TMEM47: variants seen among roughly 807,000 people sequenced by gnomAD.
TMEM47 encodes brain cell membrane protein 1.
Under a neutral mutation model 12.4 loss-of-function variants are expected in TMEM47, and 3 were observed. That is an observed-to-expected ratio of 0.24 (90% CI 0.11 to 0.63). TMEM47 has a LOEUF of 0.63. Among genes scored for constraint, TMEM47 ranks in the 20% least tolerant of loss-of-function variants. The probability of loss-of-function intolerance (pLI) is 0.86; values close to 1 mark genes in which losing one functional copy is unlikely to be tolerated. For missense variants in TMEM47, 89 were observed against 143.8 expected (o/e 0.62, Z 1.95); for synonymous variants, 62 against 63.3 (o/e 0.98, Z 0.10).
chrX:34,647,474 G>A (rs1195352985), intron 1 of TMEM47, among the ~76,000 whole-genome samples: 1 of 111,448 alleles, frequency 9.0e-6, no homozygotes, highest in African/African-American at 3.3e-5. Flanking sequence ...AGACAAAGGT[G>A]TTATAGATAT....
At chrX:34,636,561 G>A (rs1713844034) in intron 2 of TMEM47, among the ~76,000 whole-genome samples, 1 of 111,951 alleles carries the variant, frequency 8.9e-6, no homozygotes, top group Non-Finnish European at 1.9e-5. Context: ...GCAAGAGGCA[G>A]TCCCTCTAAT....
rs1277457132 is a variant in TMEM47 at position 34,629,817 on chromosome X, T to C, written c.*496A>G. 1 of 112,149 alleles carries C rather than the reference T, an allele frequency of 8.9e-6. No individual in the cohort carries two copies. The highest frequency in any genetic ancestry group is 1.9e-5 in the Non-Finnish European group (1 of 53,414). 9.2% of individuals were successfully genotyped at this position (112,149 alleles called of 1,213,427 possible). A position where few individuals can be genotyped will look rare whatever the true frequency, so the allele number is the denominator to read the frequency against. ...AGTTACATTCACAACTCCCATTAGA[T>C]GCTGAAGGGCAGTTCATTTTTCAAG... On this transcript the variant is annotated 3_prime_UTR_variant, in exon 3 of 3. Transcript: ENST00000275954.
rs1921551732 is a variant in TMEM47, at chrX:34,628,568, T to C, written c.*1745A>G. The C allele has an allele frequency of 9.0e-6, 1 of 110,641 alleles. No homozygotes were observed. Among genetic ancestry groups the C allele is most frequent in the Admixed American group, 9.7e-5 (1 of 10,266 alleles). The allele number at this position is 110,641 out of a possible 1,213,427, so 9.1% of individuals were successfully genotyped here. ...AAATAGGTTTTTTTTTTTTGGCTGT[T>C]GTTTTTGGCAACCATTCTTAAGACA... On this transcript the variant is annotated 3_prime_UTR_variant, in exon 3 of 3. Coordinates refer to ENST00000275954, the MANE Select transcript of TMEM47 (RefSeq NM_031442.4).
intron 1 of TMEM47, among the ~76,000 whole-genome samples, chrX:34,656,267 A>G (rs1405023177): frequency 8.9e-6 from 1 of 111,873 alleles, no homozygotes; most frequent in African/African-American, 3.3e-5. Context: ...CAAAAACGTA[A>G]GGAAATAAAA....
At chrX:34,640,717 T>C (rs1221152617) in intron 1 of TMEM47, among the ~76,000 whole-genome samples, 1 of 111,829 alleles carries the variant, frequency 8.9e-6, no homozygotes, top group Non-Finnish European at 1.9e-5. Flanking sequence ...GCACTCTTTG[T>C]TACGGTAGGA....
At chrX:34,634,295 T>C (rs1319733818) in intron 2 of TMEM47, among the ~76,000 whole-genome samples, 4 of 111,974 alleles carry the variant, frequency 3.6e-5, no homozygotes, top group Non-Finnish European at 5.6e-5. Context: ...CTACTAACCA[T>C]GAAATTGTGT....
At chrX:34,648,515 C>G (rs751671769) in intron 1 of TMEM47, among the ~76,000 whole-genome samples, 1 of 111,856 alleles carries the variant, frequency 8.9e-6, no homozygotes, top group African/African-American at 3.2e-5. Flanking sequence ...CTTTCTTACA[C>G]TACATACAAA....
chrX:34,656,184 C>CA (rs1922104236), intron 1 of TMEM47, among the ~76,000 whole-genome samples: 1 of 111,767 alleles, frequency 8.9e-6, no homozygotes, highest in Non-Finnish European at 1.9e-5. Context: ...AAAGGCAACT[C>CA]ACAATCAACG....
At position 34,639,298 on chromosome X, in the gene TMEM47, C is replaced by T; in HGVS notation, c.316G>A (p.Gly106Arg). The change falls in exon 2 of 3, where the codon GGA (glycine) becomes AGA (arginine). Residue 106 changes from glycine (G) to arginine (R), a missense_variant. Coordinates refer to ENST00000275954, the MANE Select transcript of TMEM47 (RefSeq NM_031442.4). Reference protein sequence around the residue: ...FLVGLISICVGSRRRFYRPVA... With the variant: ...FLVGLISICVRSRRRFYRPVA... Reference sequence around the variant, plus strand: ...GGTCTATAGAAACGCCTTCGAGATCCCACGCAGATAGAAATCAAACCCACC... The same window carrying T: ...GGTCTATAGAAACGCCTTCGAGATCTCACGCAGATAGAAATCAAACCCACC... 8.3e-7 allele frequency: 1 copy of T among 1,204,253 alleles called. No individual in the cohort carries two copies. Among genetic ancestry groups the T allele is most frequent in the Non-Finnish European group, 1.1e-6 (1 of 891,711 alleles).
Position 34,657,036 on chromosome X carries a change from G to A in TMEM47, c.-7C>T. 1 of 1,139,007 alleles carries A rather than the reference G, an allele frequency of 8.8e-7. No individual in the cohort carries two copies. The highest frequency in any genetic ancestry group is 1.2e-6 in the Non-Finnish European group (1 of 857,395). 93.9% of individuals were successfully genotyped at this position (1,139,007 alleles called of 1,213,427 possible). A position where few individuals can be genotyped will look rare whatever the true frequency, so the allele number is the denominator to read the frequency against. On this transcript the variant is annotated 5_prime_UTR_variant, in exon 1 of 3. Transcript: ENST00000275954. ...CGCTGCCCGCCGAAGCCATTCCTGG[G>A]CGCCGCTGTCGTCCGCCCCGCCGCA...
At chrX:34,631,926 T>C (rs1287989572) in intron 2 of TMEM47, among the ~76,000 whole-genome samples, 1 of 111,742 alleles carries the variant, frequency 8.9e-6, no homozygotes, top group Non-Finnish European at 1.9e-5. Context: ...CCTCAAGAAA[T>C]AGACAATCTT....
Position 34,644,141 on chromosome X carries a change from C to T in TMEM47, c.227-4754G>A, listed in dbSNP as rs190490482. 7.1e-3 allele frequency among the ~76,000 whole-genome samples: 793 copies of T among 111,294 alleles called. 5 individuals are homozygous for T. The highest frequency in any genetic ancestry group is 0.014 in the Middle Eastern group (3 of 213). ...AAATACATACACATAATGTTATATT[C>T]CCCTTGCAGTTACAAGATAAAAATC... On this transcript the variant is annotated intron_variant, in intron 1 of 2. Transcript: ENST00000275954.
rs749902158 is a variant in TMEM47, at chrX:34,652,369, T to C, written c.226+4435A>G. ...CTAGTAGCACTGACTATATCTATGG[T>C]CTCTGCAAGTGGTCTTACTATTAAA... On this transcript the variant is annotated intron_variant, in intron 1 of 2. Coordinates refer to ENST00000275954, the MANE Select transcript of TMEM47 (RefSeq NM_031442.4). Among the ~76,000 whole-genome samples the C allele has an allele frequency of 3.6e-5, 4 of 112,405 alleles. No individual in the cohort carries two copies. The South Asian group carries it at 1.5e-3, about 41-fold the overall frequency.
intron 1 of TMEM47, among the ~76,000 whole-genome samples, 191 bp from the exon 2 acceptor site, chrX:34,639,578 C>T (rs1012299956): frequency 2.7e-5 from 3 of 111,610 alleles, no homozygotes; most frequent in Non-Finnish European, 5.6e-5. Flanking sequence ...GTCTCCTATG[C>T]TAAGCTCAGC....
chrX:34,638,301 C>A (rs1476167554), intron 2 of TMEM47, among the ~76,000 whole-genome samples: 1 of 111,553 alleles, frequency 9.0e-6, no homozygotes, highest in African/African-American at 3.3e-5. Flanking sequence ...ATTTTTATGA[C>A]ACCCCCAATT....
chrX:34,647,948 T>C (rs1038807913), intron 1 of TMEM47, among the ~76,000 whole-genome samples: 1 of 111,480 alleles, frequency 9.0e-6, no homozygotes, highest in African/African-American at 3.3e-5. Context: ...CCATTTGCAA[T>C]TGCCACACAA....
chrX:34,637,279 G>A (rs906899573), intron 2 of TMEM47, among the ~76,000 whole-genome samples: 5 of 110,005 alleles, frequency 4.5e-5, no homozygotes, highest in Non-Finnish European at 9.5e-5. Context: ...AGCTATTCTA[G>A]CAACTATTCA....
rs771358294 is a variant in TMEM47 at position 34,632,533 on chromosome X, C to T, written c.368-2042G>A. ...TTCCTCAAAATTTCTTTCTATAAGG[C>T]TCTGGCTAGGTGTCAAAGGACCGAC... On this transcript the variant is annotated intron_variant, in intron 2 of 2. Transcript: ENST00000275954. Among the ~76,000 whole-genome samples, 11 of 111,445 alleles carry T rather than the reference C, an allele frequency of 9.9e-5. No homozygotes were observed. In the East Asian group the frequency reaches 2.3e-3, roughly 23 times the overall value.
At position 34,657,080 on chromosome X, in the gene TMEM47, G is replaced by GTCCGGAGAGCCGGGAGCCGGACC. The variant is rs1922126262; in HGVS notation, c.-74_-52dup. 1 of 1,091,501 alleles carries GTCCGGAGAGCCGGGAGCCGGACC rather than the reference G, an allele frequency of 9.2e-7. No homozygotes were observed. The highest frequency in any genetic ancestry group is 1.2e-6 in the Non-Finnish European group (1 of 838,895). The allele number at this position is 1,091,501 out of a possible 1,213,427, so 90.0% of individuals were successfully genotyped here. ...CGCCGCAGGCGAGGACGCCAGGCGGGTCCGGAGAGCCGGGAGCCGGACCTC... is the reference window on the plus strand; with the variant it reads ...CGCCGCAGGCGAGGACGCCAGGCGGGTCCGGAGAGCCGGGAGCCGGACCTCCGGAGAGCCGGGAGCCGGACCTC... On this transcript the variant is annotated 5_prime_UTR_variant, in exon 1 of 3. Transcript: ENST00000275954.
Sources: allele counts gnomAD v4.1 joint callset (sites outside exome capture counted in the v4.1 genomes callset), GRCh38; gene constraint gnomAD v4.1.1; transcripts MANE v1.5; gene names NCBI Gene and HGNC (gene_info 2026-07-23, HGNC 2026-07-21).